KLHL35: variants seen among roughly 807,000 people sequenced by gnomAD.
KLHL35 encodes kelch like family member 35.
A neutral mutation model predicts 44.0 loss-of-function variants in KLHL35; 50 were observed. The ratio of observed to expected loss-of-function variants is 1.14; its 90% CI spans 0.91 to 1.44. The LOEUF is 1.44. Ranked by LOEUF, KLHL35 falls within the 40% of genes most tolerant of loss-of-function variation. The pLI is 0.00. For synonymous variants in KLHL35, 470 were observed against 410.4 expected, an observed-to-expected ratio of 1.15 and a Z score of -1.76; for missense variants, 1,049 against 887.8, an observed-to-expected ratio of 1.18 and a Z score of -2.31.
intron 5 of KLHL35, chr11:75,424,510 C>T (rs1948475170): frequency 6.5e-6 from 1 of 152,840 alleles, no homozygotes; most frequent in South Asian, 2.1e-4. Flanking sequence ...GCTGCCTGCT[C>T]ACCTCACTCT....
intron 5 of KLHL35, among the ~76,000 whole-genome samples, chr11:75,425,172 G>T (rs754682503): frequency 3.9e-5 from 6 of 152,194 alleles, no homozygotes; most frequent in Non-Finnish European, 7.3e-5. Flanking sequence ...CATGGCACCA[G>T]CCCAAACATT....
Position 75,428,627 on chromosome 11 carries a change from C to T in KLHL35, c.882-1G>A, listed in dbSNP as rs1380425023. 1 of 1,579,178 alleles carries T rather than the reference C, an allele frequency of 6.3e-7. No individual in the cohort carries two copies. Among genetic ancestry groups the T allele is most frequent in the Non-Finnish European group, 8.6e-7 (1 of 1,162,486 alleles). ...GATCACTTCAGCTAGGTCCATGAAT[C>T]TGGCGTGCGGATAAGCCCAGTGCCT... On this transcript the variant is annotated splice_acceptor_variant, in intron 2 of 6. Transcript: ENST00000539798. LOFTEE classifies it high-confidence loss of function.
At chr11:75,422,863 G>T in intron 6 of KLHL35, 95 bp from the exon 7 acceptor site, 1 of 1,173,072 alleles carries the variant, frequency 8.5e-7, no homozygotes, top group Non-Finnish European at 1.2e-6. Context: ...TTGACCCACA[G>T]ACTGTGAACA....
In KLHL35 at chr11:75,428,602, G is replaced by T; in HGVS notation, c.906C>A (p.Ile302=). Residue 302 remains isoleucine (I), a synonymous_variant, in exon 3 of 7, where the codon ATC becomes ATA. Coordinates refer to ENST00000539798, the MANE Select transcript of KLHL35 (RefSeq NM_001039548.3). ...PRRFMDLAEV[I]VVIGGCDRKG... is the part of the protein sequence containing the mutation. The stretch of plus-strand genomic sequence containing the variant: ...TGCGGTCGCAACCGCCGATGACCAC[G>T]ATCACTTCAGCTAGGTCCATGAATC... The T allele has an allele frequency of 6.2e-7, 1 of 1,602,028 alleles. No individual in the cohort carries two copies. The highest frequency in any genetic ancestry group is 8.5e-7 in the Non-Finnish European group (1 of 1,174,674).
chr11:75,425,319 G>A (rs1317153779), intron 5 of KLHL35, 74 bp downstream of exon 5: 10 of 1,420,104 alleles, frequency 7.0e-6, no homozygotes, highest in South Asian at 5.6e-5. Context: ...GCATGGAAAC[G>A]CCCAATTCTG....
intron 3 of KLHL35, 95 bp from the exon 4 acceptor site, chr11:75,426,733 G>GGGT: frequency 1.3e-6 from 1 of 778,832 alleles, no homozygotes; most frequent in Admixed American, 2.4e-5. Flanking sequence ...TCCAAAGGAA[G>GGGT]GGTTAAGGGA....
In KLHL35 at chr11:75,429,894, G is replaced by C. The variant is rs1420914804; in HGVS notation, c.736C>G (p.Leu246Val). ...TCCAGGAAGTAAGCGGGCGCCAGTAGCGGCAGGCGCACGTGCTCCAGCAGG... is the reference window on the plus strand; with the variant it reads ...TCCAGGAAGTAAGCGGGCGCCAGTACCGGCAGGCGCACGTGCTCCAGCAGG... ...RRLLEHVRLP[L>V]LAPAYFLEKV... The change falls in exon 2 of 7, where the codon CTA becomes GTA. Residue 246 changes from leucine to valine, a missense_variant. Physicochemically the swap from Leu to Val is conservative, Grantham distance 32. Transcript: ENST00000539798. 2.0e-6 allele frequency: 3 copies of C among 1,512,488 alleles called. No homozygotes were observed. Among genetic ancestry groups the C allele is most frequent in the Non-Finnish European group, 2.6e-6 (3 of 1,140,496 alleles). 93.7% of individuals were successfully genotyped at this position (1,512,488 alleles called of 1,614,324 possible). A position where few individuals can be genotyped will look rare whatever the true frequency, so the allele number is the denominator to read the frequency against.
chr11:75,430,412 C>T lies in KLHL35; in HGVS notation c.218G>A (p.Gly73Glu). ...CACGGCCGGGCCGCGCTCGGGCCGC[C>T]CGGCCGCGAACAAGCTGCGGAAGTA... The part of the protein sequence containing the change: ...SAYFRSLFAA[G>E]RPERGPAVVP... Residue 73 changes from glycine to glutamate, a missense_variant, in exon 2 of 7, where the codon GGG becomes GAG. Physicochemically the swap from Gly to Glu is moderately conservative, Grantham distance 98 (BLOSUM62 -2). Transcript: ENST00000539798. 7.3e-7 allele frequency: 1 copy of T among 1,365,160 alleles called. No homozygotes were observed. The highest frequency in any genetic ancestry group is 2.4e-4 in the Middle Eastern group (1 of 4,106). 84.6% of individuals were successfully genotyped at this position (1,365,160 alleles called of 1,614,324 possible).
chr11:75,432,916 C>A (rs902076738), intron 1 of KLHL35, among the ~76,000 whole-genome samples, 127 bp downstream of exon 1: 1 of 152,328 alleles, frequency 6.6e-6, no homozygotes, highest in East Asian at 1.9e-4. Context: ...CTCTTTTACA[C>A]ACCCACATCC....
chr11:75,426,270 T>C, intron 4 of KLHL35: 1 of 309,482 alleles, frequency 3.2e-6, no homozygotes, highest in Non-Finnish European at 6.0e-6. Flanking sequence ...TATTCTTGAG[T>C]GGCACAGTCA....
chr11:75,425,311 A>G, intron 5 of KLHL35, 82 bp downstream of exon 5: 1 of 1,379,456 alleles, frequency 7.2e-7, no homozygotes, highest in Non-Finnish European at 9.6e-7. Context: ...GGACAAGGGC[A>G]TGGAAACGCC....
At position 75,429,787 on chromosome 11, in the gene KLHL35, C is replaced by T; in HGVS notation, c.843G>A (p.Leu281=). ...LLLEARACFI[L]GREAGALRTR... ...TCCGCAGCGCACCGGCCTCGCGGCC[C>T]AGGATGAAGCAGGCGCGAGCCTCGA... The change falls in exon 2 of 7, where the codon CTG becomes CTA. Residue 281 remains leucine, a synonymous_variant. Coordinates refer to ENST00000539798, the MANE Select transcript of KLHL35 (RefSeq NM_001039548.3). 6.6e-7 allele frequency: 1 copy of T among 1,510,178 alleles called. No homozygotes were observed. The highest frequency in any genetic ancestry group is 1.2e-5 in the South Asian group (1 of 81,884). 93.5% of individuals were successfully genotyped at this position (1,510,178 alleles called of 1,614,324 possible).
In KLHL35 at chr11:75,428,500, G is replaced by T. The variant is rs747040663; in HGVS notation, c.1008C>A (p.Pro336=). Residue 336 remains proline, a synonymous_variant, in exon 3 of 7, where the codon CCC becomes CCA. Coordinates refer to ENST00000539798, the MANE Select transcript of KLHL35 (RefSeq NM_001039548.3). ...CGGCGAATTCTGAGCGAGTGTAGCC[G>T]GGCAGGCTGGGCAGTGGGGTCCACC... The part of the protein sequence containing the change: ...SQRWTPLPSL[P]GYTRSEFAAC... 4.7e-5 allele frequency: 76 copies of T among 1,612,314 alleles called. No individual in the cohort carries two copies. The South Asian group carries it at 6.4e-4, about 14-fold the overall frequency.
chr11:75,426,376 T>C (rs1364764951), intron 4 of KLHL35, 144 bp downstream of exon 4: 1 of 563,748 alleles, frequency 1.8e-6, no homozygotes, highest in Non-Finnish European at 3.2e-6. Flanking sequence ...GCATCAGCCA[T>C]TATTATGTGA....
chr11:75,426,833 G>A (rs562450029), intron 3 of KLHL35, 195 bp from the exon 4 acceptor site: 17 of 483,898 alleles, frequency 3.5e-5, no homozygotes, highest in African/African-American at 9.6e-5. Flanking sequence ...TCTGAGTTAC[G>A]ACCCTCGAGG....
chr11:75,430,181 A>G lies in KLHL35; in HGVS notation c.449T>C (p.Leu150Pro). 1 of 1,230,386 alleles carries G rather than the reference A, an allele frequency of 8.1e-7. No individual in the cohort carries two copies. The highest frequency in any genetic ancestry group is 1.6e-5 in the African/African-American group (1 of 62,438). 76.2% of individuals were successfully genotyped at this position (1,230,386 alleles called of 1,614,324 possible). A position where few individuals can be genotyped will look rare whatever the true frequency, so the allele number is the denominator to read the frequency against. Residue 150 changes from leucine to proline, a missense_variant, in exon 2 of 7, where the codon CTG becomes CCG. Physicochemically the swap from Leu to Pro is moderately conservative, Grantham distance 98. Transcript: ENST00000539798. ...CAGCGCTAGGCTGTTGGCGGCGCGC[A>G]GGCGGCCCTCGAGAAAGCGCACGCA... is the stretch of plus-strand genomic sequence containing the variant. ...EACVRFLEGRLRAANSLALRR... is the reference protein window; with the variant it reads ...EACVRFLEGRPRAANSLALRR...
rs138592803 is a variant in KLHL35 at position 75,431,135 on chromosome 11, C to G, written c.-1-505G>C. ...AGCTGAAGCCCTGGGTCAAGGGACT[C>G]AGGCTGCCCCACAGAGACCCAGTGT... On this transcript the variant is annotated intron_variant, in intron 1 of 6. Coordinates refer to ENST00000539798, the MANE Select transcript of KLHL35 (RefSeq NM_001039548.3). Among the ~76,000 whole-genome samples, 290 of 152,258 alleles carry G rather than the reference C, an allele frequency of 1.9e-3. 1 individual carries two copies. Among genetic ancestry groups the G allele is most frequent in the African/African-American group, 6.7e-3 (280 of 41,552 alleles).
At position 75,430,235 on chromosome 11, in the gene KLHL35, CG is replaced by C; in HGVS notation, c.394del (p.Arg132GlyfsTer25). The C allele has an allele frequency of 8.2e-7, 1 of 1,218,792 alleles. No homozygotes were observed. Among genetic ancestry groups the C allele is most frequent in the Non-Finnish European group, 1.0e-6 (1 of 976,334 alleles). The allele number at this position is 1,218,792 out of a possible 1,614,324, so 75.5% of individuals were successfully genotyped here. ...EAAAVLALAE[R>X]LGVAGLREAC... ...CTCGCGCAGGCCCGCCACGCCCAGC[CG>C]CTCCGCCAGCGCCAGCACGGCCGCC... On this transcript the variant is annotated frameshift_variant, in exon 2 of 7. Coordinates refer to ENST00000539798, the MANE Select transcript of KLHL35 (RefSeq NM_001039548.3). LOFTEE classifies it high-confidence loss of function.
At chr11:75,426,303 G>A (rs1186321359) in intron 4 of KLHL35, 2 of 415,674 alleles carry the variant, frequency 4.8e-6, no homozygotes, top group Non-Finnish European at 4.4e-6. Context: ...AGACTCTATG[G>A]CCCCAGAGCC....
Sources: gnomAD v4.1 joint callset for allele counts (sites outside exome capture counted in the v4.1 genomes callset) on GRCh38, gnomAD v4.1.1 for gene constraint, MANE v1.5 for transcripts, NCBI Gene and HGNC (gene_info 2026-07-23, HGNC 2026-07-21) for gene names.